Variants in ADGRB3 observed in about 807,000 individuals in gnomAD.
ADGRB3 encodes brain-specific angiogenesis inhibitor 3.
In ADGRB3, 37 loss-of-function variants were observed where a neutral mutation model predicts 193.4. The ratio of observed to expected loss-of-function variants is 0.19; its 90% confidence interval spans 0.15 to 0.25. The LOEUF is 0.25. Among genes scored for constraint, ADGRB3 ranks in the 10% least tolerant of loss-of-function variants. The pLI, the probability that ADGRB3 is intolerant of heterozygous loss-of-function variation, is 1.00. For synonymous variants in ADGRB3, 690 were observed against 644.2 expected, an observed-to-expected ratio of 1.07 and a Z score of -1.08; for missense variants, 1,637 against 1,852.9, an observed-to-expected ratio of 0.88 and a Z score of 2.14.
At chr6:69,068,755 A>G (rs570187441) in intron 16 of ADGRB3, among the ~76,000 whole-genome samples, 42 of 152,316 alleles carry the variant, frequency 2.8e-4, no homozygotes, top group African/African-American at 9.9e-4. Context: ...AATGTGGGCT[A>G]CTAACTGTAT....
chr6:69,113,636 T>G (rs995979249), intron 17 of ADGRB3, among the ~76,000 whole-genome samples: 2 of 152,140 alleles, frequency 1.3e-5, no homozygotes, highest in African/African-American at 4.8e-5. Flanking sequence ...GTTCAGAAAT[T>G]TATATCATTT....
chr6:69,333,766 A>G (rs942507840), intron 24 of ADGRB3, among the ~76,000 whole-genome samples: 10 of 150,794 alleles, frequency 6.6e-5, no homozygotes, highest in South Asian at 2.1e-4. Context: ...CGTCTCTACT[A>G]AAAATGCAAA....
chr6:69,201,694 A>T (rs1765420220), intron 17 of ADGRB3, among the ~76,000 whole-genome samples: 1 of 152,178 alleles, frequency 6.6e-6, no homozygotes, highest in Admixed American at 6.6e-5. Context: ...TTATAACCAC[A>T]TGGGTCTCAA....
At chr6:69,093,632 G>A (rs1355114537) in intron 17 of ADGRB3, among the ~76,000 whole-genome samples, 1 of 150,602 alleles carries the variant, frequency 6.6e-6, no homozygotes, top group Non-Finnish European at 1.5e-5. Context: ...AGATGGGTGG[G>A]GAGCCCAGGA....
intron 29 of ADGRB3, among the ~76,000 whole-genome samples, chr6:69,361,914 T>C (rs1769463617): frequency 6.6e-6 from 1 of 151,614 alleles, no homozygotes; most frequent in South Asian, 2.1e-4. Context: ...TACGTGGCAT[T>C]ACAAACTTAA....
chr6:69,350,326 A>G (rs1238492172), intron 26 of ADGRB3, among the ~76,000 whole-genome samples: 1 of 149,600 alleles, frequency 6.7e-6, no homozygotes, highest in Admixed American at 6.7e-5. Flanking sequence ...ACAACATGCC[A>G]TTAGATTGCC....
At position 69,210,857 on chromosome 6, in the gene ADGRB3, T is replaced by C. The variant is rs1040932354; in HGVS notation, c.2481-22433T>C. On this transcript the variant is annotated intron_variant, in intron 17 of 31. Coordinates refer to ENST00000370598, the MANE Select transcript of ADGRB3 (RefSeq NM_001704.3). ...ACGGCCAGGCATGGTGGCTCACGCC[T>C]GTAATCCCAGCACTTTGGGAGGCCG... is the stretch of plus-strand genomic sequence containing the variant. 5.3e-5 allele frequency among the ~76,000 whole-genome samples: 8 copies of C among 152,046 alleles called. No homozygotes were observed. In the East Asian group the frequency reaches 1.5e-3, roughly 29 times the overall value.
At chr6:69,150,480 A>T (rs1263876032) in intron 17 of ADGRB3, among the ~76,000 whole-genome samples, 3 of 152,102 alleles carry the variant, frequency 2.0e-5, no homozygotes, top group African/African-American at 7.2e-5. Flanking sequence ...GTATGCTTCC[A>T]GGCCTGGGAC....
intron 11 of ADGRB3, among the ~76,000 whole-genome samples, chr6:68,994,391 G>A (rs2150275490): frequency 6.6e-6 from 1 of 152,270 alleles, no homozygotes; most frequent in Middle Eastern, 3.4e-3. Context: ...TTTGCTATTA[G>A]TGGGGGAAAA....
Position 68,977,807 on chromosome 6 carries a change from G to T in ADGRB3, c.1734+2467G>T, listed in dbSNP as rs188930633. ...AATCTGCAAGATGGGTGTCCATGCC[G>T]CAGTTTACATAAAAAGAATCTGAAT... On this transcript the variant is annotated intron_variant, in intron 10 of 31. Transcript: ENST00000370598. Among the ~76,000 whole-genome samples, 76 of 151,902 alleles carry T rather than the reference G, an allele frequency of 5.0e-4. 1 individual carries two copies. The highest frequency in any genetic ancestry group is 1.8e-3 in the African/African-American group (73 of 41,520).
intron 3 of ADGRB3, among the ~76,000 whole-genome samples, chr6:68,914,334 C>T (rs1468781599): frequency 1.3e-5 from 2 of 152,178 alleles, no homozygotes; most frequent in African/African-American, 2.4e-5. Context: ...ATCAGACTAA[C>T]AGCGGATCTC....
intron 17 of ADGRB3, among the ~76,000 whole-genome samples, chr6:69,118,717 C>G (rs997908164): frequency 1.4e-5 from 2 of 144,948 alleles, no homozygotes; most frequent in African/African-American, 5.0e-5. Context: ...CAGGTTAGTA[C>G]AAGAAACATA....
In ADGRB3 at chr6:69,274,613, C is replaced by CCCTCCCTT. The variant is rs1429768030; in HGVS notation, c.2814+35394_2814+35395insTCCTCCCT. Among the ~76,000 whole-genome samples the CCCTCCCTT allele has an allele frequency of 4.2e-5, 5 of 117,774 alleles. No homozygotes were observed. In the Admixed American group the frequency reaches 4.7e-4, roughly 11 times the overall value. The allele number at this position is 117,774 out of a possible 152,430, so 77.3% of individuals were successfully genotyped here. A position where few individuals can be genotyped will look rare whatever the true frequency, so the allele number is the denominator to read the frequency against. ...CTCCCTTTTCCCTCCCTCCCTCCCTCCCTCCCTCCCTTCCTTCCTTCTTTC... is the reference window on the plus strand; with the variant it reads ...CTCCCTTTTCCCTCCCTCCCTCCCTCCCTCCCTTCCTCCCTCCCTTCCTTCCTTCTTTC... On this transcript the variant is annotated intron_variant, in intron 20 of 31. Transcript: ENST00000370598.
intron 10 of ADGRB3, among the ~76,000 whole-genome samples, chr6:68,985,151 G>T (rs534811241): frequency 1.8e-4 from 27 of 152,246 alleles, no homozygotes; most frequent in African/African-American, 5.8e-4. Context: ...TGAGCTACTT[G>T]TATGCAGGTG....
chr6:69,167,726 C>T (rs1775166058), intron 17 of ADGRB3, among the ~76,000 whole-genome samples: 1 of 152,152 alleles, frequency 6.6e-6, no homozygotes, highest in African/African-American at 2.4e-5. Context: ...AACCAGACCC[C>T]AGAGTTCTCC....
chr6:69,135,871 G>T (rs758975103), intron 17 of ADGRB3, among the ~76,000 whole-genome samples: 1 of 152,058 alleles, frequency 6.6e-6, no homozygotes, highest in Non-Finnish European at 1.5e-5. Context: ...GCCATAAACA[G>T]AAAGTAAAAC....
intron 17 of ADGRB3, among the ~76,000 whole-genome samples, chr6:69,124,350 C>T (rs899508308): frequency 6.6e-6 from 1 of 152,014 alleles, no homozygotes; most frequent in Non-Finnish European, 1.5e-5. Flanking sequence ...TTTCCCATGC[C>T]TCTTAATTTT....
At chr6:68,719,603 G>C (rs1765541228) in intron 3 of ADGRB3, among the ~76,000 whole-genome samples, 1 of 151,680 alleles carries the variant, frequency 6.6e-6, no homozygotes, top group Admixed American at 6.6e-5. Context: ...TTGTGTTTTG[G>C]CTAAGCGCTC....
At chr6:69,042,034 A>G (rs1259456279) in intron 13 of ADGRB3, among the ~76,000 whole-genome samples, 1 of 152,158 alleles carries the variant, frequency 6.6e-6, no homozygotes, top group Non-Finnish European at 1.5e-5. Context: ...GGTTCACCCC[A>G]TCTTGTTCTC....
Sources: gnomAD v4.1 joint callset for allele counts (sites outside exome capture counted in the v4.1 genomes callset) on GRCh38, gnomAD v4.1.1 for gene constraint, MANE v1.5 for transcripts, NCBI Gene and HGNC (gene_info 2026-07-23, HGNC 2026-07-21) for gene names.